Variants in RASA3 observed in about 807,000 individuals in gnomAD.
RASA3 encodes the protein ras GTPase-activating protein 3.
RASA3 carries 73 observed loss-of-function variants against 110.0 expected under a neutral mutation model. That is an observed-to-expected ratio of 0.66 (90% CI 0.55 to 0.81). The LOEUF is 0.81. Ranked by LOEUF, RASA3 falls within the 30% of genes least tolerant of loss-of-function variation. RASA3 has a pLI of 0.00. For missense variants in RASA3, 976 were observed against 1,113.2 expected (o/e 0.88, Z 1.75); for synonymous variants, 500 against 451.4 (o/e 1.11, Z -1.37).
chr13:114,099,279 G>C (rs2079990887), intron 1 of RASA3, among the ~76,000 whole-genome samples: 1 of 152,056 alleles, frequency 6.6e-6, no homozygotes, highest in South Asian at 2.1e-4. Flanking sequence ...CCAAGCCACA[G>C]GCAGCTGCTG....
At chr13:113,983,572 C>A (rs2052983981) in intron 22 of RASA3, among the ~76,000 whole-genome samples, 1 of 91,462 alleles carries the variant, frequency 1.1e-5, no homozygotes, top group East Asian at 3.3e-4. Context: ...ACCCATATCT[C>A]AAAAAAAATG....
At chr13:114,117,352 G>A (rs1251950001) in intron 1 of RASA3, among the ~76,000 whole-genome samples, 4 of 138,320 alleles carry the variant, frequency 2.9e-5, no homozygotes, top group African/African-American at 1.1e-4. Context: ...AGGAGAGCAC[G>A]TGTGTGAGGG....
At position 114,115,331 on chromosome 13, in the gene RASA3, T is replaced by G. The variant is rs2080262729; in HGVS notation, c.55+17104A>C. ...TCAATAGATGAACACCCCACCTTGG[T>G]GACACAGAGGCTGGACAGTCACACC... On this transcript the variant is annotated intron_variant, in intron 1 of 23. Transcript: ENST00000334062. The surrounding 1 kb of genome is among the most constrained non-coding windows in gnomAD (Gnocchi z 5.0). Among the ~76,000 whole-genome samples, 1 of 152,150 alleles carries G rather than the reference T, an allele frequency of 6.6e-6. No homozygotes were observed. The highest frequency in any genetic ancestry group is 1.5e-5 in the Non-Finnish European group (1 of 68,026).
intron 2 of RASA3, among the ~76,000 whole-genome samples, chr13:114,071,197 G>A (rs927405801): frequency 1.7e-4 from 26 of 152,088 alleles, no homozygotes; most frequent in Non-Finnish European, 7.4e-5. Flanking sequence ...GGCTCACTGC[G>A]GCCTCAACCT....
chr13:114,029,732 G>A (rs1000708778), intron 5 of RASA3, 79 bp downstream of exon 5: 6 of 1,364,478 alleles, frequency 4.4e-6, no homozygotes, highest in Admixed American at 3.9e-5. Context: ...GTGCGTTGGT[G>A]TGAAAACCCC....
At chr13:114,075,218 A>G (rs930900382) in intron 1 of RASA3, among the ~76,000 whole-genome samples, 5 of 152,092 alleles carry the variant, frequency 3.3e-5, no homozygotes, top group African/African-American at 1.2e-4. Flanking sequence ...TCAGAACCCC[A>G]CTTCCGCCAC....
intron 11 of RASA3, 64 bp from the exon 12 acceptor site, chr13:114,017,415 G>C (rs2053818883): frequency 1.5e-6 from 2 of 1,306,866 alleles, no homozygotes; most frequent in South Asian, 2.7e-5. Context: ...ACGGAGCAGA[G>C]CCTGGCCCCG....
intron 3 of RASA3, among the ~76,000 whole-genome samples, chr13:114,042,927 G>A (rs2054444789): frequency 6.6e-6 from 1 of 152,232 alleles, no homozygotes; most frequent in Admixed American, 6.5e-5. Context: ...GCTGCAGGGA[G>A]AGGGAGCTTC....
intron 3 of RASA3, among the ~76,000 whole-genome samples, chr13:114,042,432 G>A (rs2054431023): frequency 6.6e-6 from 1 of 152,272 alleles, no homozygotes; most frequent in Non-Finnish European, 1.5e-5. Context: ...CAGGAGTGAG[G>A]AAGGAAATGT....
In RASA3 at chr13:114,024,181, TTCTA is replaced by T. The variant is rs1353127883; in HGVS notation, c.680+94_680+97del. Reference sequence around the variant, plus strand: ...AATTACCAAGAAAATGGAAATTCATTTCTATCTATGACCCTATATTTAGTAACAA... The same window carrying T: ...AATTACCAAGAAAATGGAAATTCATTTCTATGACCCTATATTTAGTAACAA... On this transcript the variant is annotated intron_variant, in intron 8 of 23. Transcript: ENST00000334062. 21 of 1,174,676 alleles carry T rather than the reference TTCTA, an allele frequency of 1.8e-5. No homozygotes were observed. The Admixed American group carries it at 4.0e-4, about 22-fold the overall frequency. 72.8% of individuals were successfully genotyped at this position (1,174,676 alleles called of 1,614,324 possible).
chr13:114,126,431 T>G (rs2080450402), intron 1 of RASA3, among the ~76,000 whole-genome samples: 1 of 151,960 alleles, frequency 6.6e-6, no homozygotes, highest in South Asian at 2.1e-4. Context: ...GACCTCACTC[T>G]CTCTTCAGGG....
At chr13:114,104,520 C>T (rs1032714583) in intron 1 of RASA3, among the ~76,000 whole-genome samples, 2 of 152,134 alleles carry the variant, frequency 1.3e-5, no homozygotes, top group African/African-American at 2.4e-5. Context: ...TCATCAGGGG[C>T]GGGAACTCCG....
At chr13:114,026,851 G>T (rs1478722927) in intron 7 of RASA3, among the ~76,000 whole-genome samples, 4 of 152,214 alleles carry the variant, frequency 2.6e-5, no homozygotes, top group Non-Finnish European at 5.9e-5. Context: ...CCCAAACGGG[G>T]TCACATTCCA....
At chr13:114,067,004 A>G (rs111698904) in intron 2 of RASA3, among the ~76,000 whole-genome samples, 3,269 of 135,736 alleles carry the variant, frequency 0.024, 115 homozygotes, top group African/African-American at 0.087. Flanking sequence ...CGGGCCCCCC[A>G]ACCTGGGCTG....
intron 1 of RASA3, chr13:114,107,816 A>G (rs544006975): frequency 2.8e-4 from 43 of 152,314 alleles, no homozygotes; most frequent in African/African-American, 9.9e-4. Flanking sequence ...CAAGGTTCAA[A>G]TTACTGCTGC....
At chr13:114,073,899 G>A (rs12873032) in intron 1 of RASA3, 62 bp from the exon 2 acceptor site, 23,397 of 1,362,254 alleles carry the variant, frequency 0.017, 240 homozygotes, top group Non-Finnish European at 0.019. Flanking sequence ...CTGCTACATC[G>A]CAGACACGTT....
At chr13:114,066,175 A>G (rs1251639218) in intron 2 of RASA3, among the ~76,000 whole-genome samples, 2 of 142,410 alleles carry the variant, frequency 1.4e-5, no homozygotes, top group Admixed American at 1.3e-4. Flanking sequence ...CATACCCCCC[A>G]AAAAAGAACC....
chr13:114,073,835 C>T lies in RASA3; in HGVS notation c.58G>A (p.Glu20Lys). 1 of 1,613,436 alleles carries T rather than the reference C, an allele frequency of 6.2e-7. No homozygotes were observed. The highest frequency in any genetic ancestry group is 8.5e-7 in the Non-Finnish European group (1 of 1,179,366). The stretch of plus-strand genomic sequence containing the variant: ...GGGTAAGAGGGAAGGTTTTTGGCTT[C>T]ACCTAAAAAGTAAAAGCGACATACA... ...VFQSVKIKIG[E>K]AKNLPSYPGP... The change falls in exon 2 of 24, where the codon GAA becomes AAA. Residue 20 changes from glutamate (E) to lysine (K), a missense_variant and splice_region_variant. Glu to Lys is a moderately conservative substitution (Grantham distance 56). Around this residue, in one of 4 missense-constraint regions of RASA3, gnomAD observed 732 missense variants for 779.7 expected, o/e 0.94. Coordinates refer to ENST00000334062, the MANE Select transcript of RASA3 (RefSeq NM_007368.4).
rs763386426 is a variant in RASA3, at chr13:114,132,506, C to A, written c.-17G>T. ...CACCGCCATGCTGCGCGTCCGCGCC[C>A]GCCGAGCCTCGCCCCAAGCGCGCGC... On this transcript the variant is annotated 5_prime_UTR_variant, in exon 1 of 24. Transcript: ENST00000334062. 40 of 1,474,710 alleles carry A rather than the reference C, an allele frequency of 2.7e-5. No homozygotes were observed. Among genetic ancestry groups the A allele is most frequent in the Non-Finnish European group, 3.5e-5 (39 of 1,116,636 alleles). The allele number at this position is 1,474,710 out of a possible 1,614,324, so 91.4% of individuals were successfully genotyped here.
Sources: gnomAD v4.1 joint callset for allele counts (sites outside exome capture counted in the v4.1 genomes callset) on GRCh38, gnomAD v4.1.1 for gene constraint, gnomAD v4.1.1 regional missense constraint, Gnocchi (gnomAD v3.1) non-coding constraint, MANE v1.5 for transcripts, NCBI Gene and HGNC (gene_info 2026-07-23, HGNC 2026-07-21) for gene names.